DGKB: variants seen among roughly 807,000 people sequenced by gnomAD.
DGKB encodes 90 kDa diacylglycerol kinase.
Under a neutral mutation model 114.3 loss-of-function variants are expected in DGKB, and 67 were observed. The ratio of observed to expected loss-of-function variants is 0.59; its 90% confidence interval spans 0.48 to 0.72. The LOEUF (loss-of-function observed/expected upper bound fraction) is 0.72. DGKB is among the 30% of genes least tolerant of loss of function. The pLI is 0.00. For missense variants in DGKB, 907 were observed against 975.2 expected (o/e 0.93, Z 0.93); for synonymous variants, 398 against 323.1 (o/e 1.23, Z -2.49).
intron 1 of DGKB, among the ~76,000 whole-genome samples, chr7:14,861,789 A>G (rs1212292615): frequency 2.0e-5 from 3 of 152,034 alleles, no homozygotes; most frequent in Admixed American, 6.6e-5. Flanking sequence ...ATTGAGGCAT[A>G]GAACTGAATT....
chr7:14,325,843 G>C (rs2128547224), intron 23 of DGKB, among the ~76,000 whole-genome samples: 1 of 152,292 alleles, frequency 6.6e-6, no homozygotes, highest in South Asian at 2.1e-4. Flanking sequence ...TGTGGTAAAT[G>C]TGGGCTATAT....
At chr7:14,603,118 G>A (rs1803857739) in intron 17 of DGKB, among the ~76,000 whole-genome samples, 2 of 151,998 alleles carry the variant, frequency 1.3e-5, no homozygotes, top group South Asian at 4.1e-4. Flanking sequence ...ACATATTTTT[G>A]TTACTTTTAT....
At chr7:14,327,029 T>A (rs1808861812) in intron 23 of DGKB, among the ~76,000 whole-genome samples, 1 of 152,168 alleles carries the variant, frequency 6.6e-6, no homozygotes, top group African/African-American at 2.4e-5. Context: ...GTCAGTTGTG[T>A]TTTTTAGTTT....
chr7:14,155,250 C>T (rs1782833344), intron 25 of DGKB, among the ~76,000 whole-genome samples: 1 of 152,086 alleles, frequency 6.6e-6, no homozygotes, highest in African/African-American at 2.4e-5. Flanking sequence ...ACTTACTCAA[C>T]TTTAATTACC....
At chr7:14,320,535 T>C (rs1807565124) in intron 23 of DGKB, among the ~76,000 whole-genome samples, 1 of 151,638 alleles carries the variant, frequency 6.6e-6, no homozygotes, top group South Asian at 2.1e-4. Context: ...GTACCGCATA[T>C]GCGGTACATA....
At chr7:14,916,634 A>G (rs376885006) in intron 1 of DGKB, among the ~76,000 whole-genome samples, 1 of 152,146 alleles carries the variant, frequency 6.6e-6, no homozygotes, top group South Asian at 2.1e-4. Context: ...AAAACAGAGC[A>G]TTAAAGAACA....
At chr7:14,175,144 C>G (rs917103243) in intron 25 of DGKB, among the ~76,000 whole-genome samples, 8 of 152,148 alleles carry the variant, frequency 5.3e-5, no homozygotes, top group Admixed American at 3.9e-4. Context: ...ATTAAAGAGT[C>G]TTGGATTTTA....
intron 13 of DGKB, among the ~76,000 whole-genome samples, chr7:14,645,288 G>C (rs1396253016): frequency 1.3e-5 from 2 of 152,068 alleles, no homozygotes; most frequent in Non-Finnish European, 2.9e-5. Context: ...CACATACCTT[G>C]ATCCTTTTGG....
At chr7:14,537,820 C>T (rs924477358) in intron 20 of DGKB, among the ~76,000 whole-genome samples, 2 of 152,132 alleles carry the variant, frequency 1.3e-5, no homozygotes, top group African/African-American at 4.8e-5. Context: ...GTGGCTCACG[C>T]CTGTAATCCC....
At chr7:14,556,376 G>A (rs1584787034) in intron 20 of DGKB, among the ~76,000 whole-genome samples, 3 of 152,068 alleles carry the variant, frequency 2.0e-5, no homozygotes, top group South Asian at 2.1e-4. Flanking sequence ...TCTAGTTGAT[G>A]AATATTTATT....
At chr7:14,475,964 C>G (rs1782104004) in intron 21 of DGKB, among the ~76,000 whole-genome samples, 1 of 151,938 alleles carries the variant, frequency 6.6e-6, no homozygotes, top group South Asian at 2.1e-4. Flanking sequence ...CATTCTTACA[C>G]ATAGGTTGTC....
intron 13 of DGKB, among the ~76,000 whole-genome samples, chr7:14,634,375 T>C (rs1224833704): frequency 6.6e-6 from 1 of 151,454 alleles, no homozygotes; most frequent in African/African-American, 2.4e-5. Context: ...TTAAAATTAC[T>C]ATTTTTAGCC....
intron 21 of DGKB, among the ~76,000 whole-genome samples, chr7:14,414,760 A>G (rs1379476555): frequency 1.3e-5 from 2 of 152,128 alleles, no homozygotes; most frequent in Non-Finnish European, 2.9e-5. Context: ...CCTTGACTTC[A>G]TTCTAAATAG....
intron 4 of DGKB, among the ~76,000 whole-genome samples, chr7:14,744,143 A>G (rs60863241): frequency 0.2 from 31,014 of 152,156 alleles, 3,471 homozygotes; most frequent in East Asian, 0.37. Flanking sequence ...TTAATAATTG[A>G]GTAAGCTATA....
At chr7:14,551,366 C>A (rs563165135) in intron 20 of DGKB, among the ~76,000 whole-genome samples, 1 of 152,330 alleles carries the variant, frequency 6.6e-6, no homozygotes, top group East Asian at 1.9e-4. Flanking sequence ...TCACTTTTTA[C>A]ACAGCATGTG....
At chr7:14,491,871 A>G (rs532318379) in intron 20 of DGKB, among the ~76,000 whole-genome samples, 1 of 152,084 alleles carries the variant, frequency 6.6e-6, no homozygotes, top group South Asian at 2.1e-4. Flanking sequence ...GCTTAAAACC[A>G]TGAGAGACTC....
chr7:14,850,102 C>A (rs769359120), intron 1 of DGKB, among the ~76,000 whole-genome samples: 16 of 152,308 alleles, frequency 1.1e-4, no homozygotes, highest in South Asian at 2.1e-4. Context: ...CTAGAAGACA[C>A]TTTTCAAAAG....
At chr7:14,731,089 C>T (rs1200604287) in intron 5 of DGKB, among the ~76,000 whole-genome samples, 1 of 152,062 alleles carries the variant, frequency 6.6e-6, no homozygotes, top group Non-Finnish European at 1.5e-5. Context: ...TTGTGATTAA[C>T]TAAATATGGG....
chr7:14,298,903 A>T (rs1256940354), intron 23 of DGKB, among the ~76,000 whole-genome samples: 2 of 152,230 alleles, frequency 1.3e-5, no homozygotes, highest in East Asian at 3.9e-4. Flanking sequence ...GACAATTCTC[A>T]AAAGAAGACA....
Sources: allele counts gnomAD v4.1 joint callset (sites outside exome capture counted in the v4.1 genomes callset), GRCh38; gene constraint gnomAD v4.1.1; transcripts MANE v1.5; gene names NCBI Gene and HGNC (gene_info 2026-07-23, HGNC 2026-07-21).